ADRA1A: variants seen among roughly 807,000 people sequenced by gnomAD.
ADRA1A encodes alpha-1A adrenergic receptor.
In ADRA1A, 31 loss-of-function variants were observed where a neutral mutation model predicts 29.6. That is an observed-to-expected ratio of 1.05 (90% CI 0.79 to 1.41). The LOEUF (loss-of-function observed/expected upper bound fraction) is 1.41. Among genes scored for constraint, ADRA1A ranks in the 40% most tolerant of loss-of-function variants. The probability of loss-of-function intolerance (pLI) is 0.00; values close to 1 mark genes in which losing one functional copy is unlikely to be tolerated. For synonymous variants in ADRA1A, 311 were observed against 254.3 expected (o/e 1.22, Z -2.12); for missense variants, 619 against 601.1 (o/e 1.03, Z -0.31).
chr8:26,851,858 A>C (rs1812661043), intron 2 of ADRA1A, among the ~76,000 whole-genome samples: 1 of 152,154 alleles, frequency 6.6e-6, no homozygotes, highest in South Asian at 2.1e-4. Flanking sequence ...AGTATATAAT[A>C]GATAATGGTA....
downstream of ADRA1A, among the ~76,000 whole-genome samples, chr8:26,763,622 A>G (rs1484001183): frequency 7.5e-6 from 1 of 133,656 alleles, no homozygotes; most frequent in Admixed American, 7.4e-5. This position sits in a 1 kb window ranked among gnomAD's most constrained non-coding sequence, Gnocchi z 4.5. Context: ...AGTTGTGTCA[A>G]TGGCATATGA....
At chr8:26,785,980 C>T (rs981538319) in intron 2 of ADRA1A, among the ~76,000 whole-genome samples, 3 of 152,082 alleles carry the variant, frequency 2.0e-5, no homozygotes, top group African/African-American at 7.2e-5. Context: ...CTGTAAGTGC[C>T]TTCTTGTTGA....
chr8:26,751,697 C>T (rs1483301009), downstream of ADRA1A, among the ~76,000 whole-genome samples: 1 of 152,218 alleles, frequency 6.6e-6, no homozygotes. Flanking sequence ...TGTCTGTGAT[C>T]TGTGCCAATA....
chr8:26,800,185 G>T (rs956989310), intron 2 of ADRA1A, among the ~76,000 whole-genome samples: 1 of 152,104 alleles, frequency 6.6e-6, no homozygotes, highest in Admixed American at 6.5e-5. Flanking sequence ...CTTGAACCTA[G>T]GAGGCAGAGG....
At chr8:26,783,080 G>A (rs115984792) in intron 2 of ADRA1A, among the ~76,000 whole-genome samples, 1 of 152,110 alleles carries the variant, frequency 6.6e-6, no homozygotes, top group Non-Finnish European at 1.5e-5. Context: ...CCTGCTTCTG[G>A]TCTTATCTGC....
chr8:26,844,254 GC>G (rs1322340933), intron 2 of ADRA1A, among the ~76,000 whole-genome samples: 6 of 152,120 alleles, frequency 3.9e-5, no homozygotes, highest in Non-Finnish European at 7.4e-5. Context: ...TGAGTTCACT[GC>G]CAAATGAGTT....
At chr8:26,816,782 A>G (rs1205251166) in intron 2 of ADRA1A, among the ~76,000 whole-genome samples, 1 of 152,208 alleles carries the variant, frequency 6.6e-6, no homozygotes, top group Non-Finnish European at 1.5e-5. Context: ...CTAAAGCGGA[A>G]TATGGAGAAG....
At position 26,864,011 on chromosome 8, in the gene ADRA1A, C is replaced by A. The variant is rs892957139; in HGVS notation, c.883+76G>T. On this transcript the variant is annotated intron_variant, in intron 2 of 2. Transcript: ENST00000380573. The surrounding 1 kb of genome is among the most constrained non-coding windows in gnomAD (Gnocchi z 8.1). ...CTAATCCTTCCTCTTCCATCCCGGA[C>A]TGGGAGTCTGGGGTAACAGAAGCCG... 98 of 1,458,350 alleles carry A rather than the reference C, an allele frequency of 6.7e-5. 2 individuals are homozygous for A. The East Asian group carries it at 1.7e-3, about 26-fold the overall frequency. 90.3% of individuals were successfully genotyped at this position (1,458,350 alleles called of 1,614,324 possible).
At chr8:26,782,884 C>A (rs374421073) in intron 2 of ADRA1A, among the ~76,000 whole-genome samples, 1 of 152,084 alleles carries the variant, frequency 6.6e-6, no homozygotes, top group Non-Finnish European at 1.5e-5. Context: ...CTTTGGGCAG[C>A]CTTCCTCTCA....
intron 2 of ADRA1A, among the ~76,000 whole-genome samples, chr8:26,776,217 G>A (rs185300239): frequency 6.6e-6 from 1 of 152,286 alleles, no homozygotes; most frequent in Non-Finnish European, 1.5e-5. Flanking sequence ...CTGAGTTCTC[G>A]AATTCCTATC....
intron 2 of ADRA1A, among the ~76,000 whole-genome samples, chr8:26,777,708 T>G (rs1585666668): frequency 6.6e-6 from 1 of 152,148 alleles, no homozygotes; most frequent in Non-Finnish European, 1.5e-5. Context: ...GTGAGGAAGG[T>G]GGCACTGAGC....
At chr8:26,822,759 C>T (rs564407572) in intron 2 of ADRA1A, among the ~76,000 whole-genome samples, 113 of 152,210 alleles carry the variant, frequency 7.4e-4, no homozygotes, top group African/African-American at 2.6e-3. Context: ...GTTCTGCAGG[C>T]CATGCAGGAA....
rs1806513736 is a variant in ADRA1A at position 26,775,897 on chromosome 8, G to A, written c.884-5231C>T. Among the ~76,000 whole-genome samples, 1 of 152,156 alleles carries A rather than the reference G, an allele frequency of 6.6e-6. No individual in the cohort carries two copies. The highest frequency in any genetic ancestry group is 1.5e-5 in the Non-Finnish European group (1 of 68,018). ...TGTAAAGGCCTCTAGATGCCAAGAA[G>A]AAATTGAAACGAATAATTTAAAATG... On this transcript the variant is annotated intron_variant, in intron 2 of 2. Transcript: ENST00000380573. This position sits in a 1 kb window ranked among gnomAD's most constrained non-coding sequence, Gnocchi z 4.1.
intron 2 of ADRA1A, among the ~76,000 whole-genome samples, chr8:26,758,281 A>G (rs565439519): frequency 6.6e-6 from 1 of 152,364 alleles, no homozygotes; most frequent in South Asian, 2.1e-4. Flanking sequence ...GGGGATGACC[A>G]GCTCCTGGAA....
At chr8:26,834,493 A>G (rs1018512164) in intron 2 of ADRA1A, among the ~76,000 whole-genome samples, 6 of 152,362 alleles carry the variant, frequency 3.9e-5, no homozygotes, top group East Asian at 1.9e-4. Context: ...CCAAAACACA[A>G]ATCAGGACAT....
intron 2 of ADRA1A, among the ~76,000 whole-genome samples, chr8:26,812,673 T>G (rs1305216702): frequency 6.6e-6 from 1 of 151,344 alleles, no homozygotes; most frequent in Non-Finnish European, 1.5e-5. Flanking sequence ...TTTATTATTA[T>G]TATTTTTTTG....
Position 26,825,051 on chromosome 8 carries a change from C to G in ADRA1A, c.883+39036G>C, listed in dbSNP as rs1041543797. 6.6e-6 allele frequency among the ~76,000 whole-genome samples: 1 copy of G among 152,122 alleles called. No homozygotes were observed. Among genetic ancestry groups the G allele is most frequent in the Non-Finnish European group, 1.5e-5 (1 of 68,034 alleles). ...GTGTGGAATTGAGTTACCAGTGGAG[C>G]AACATGCCAGCTTCCTTCTGACAGC... On this transcript the variant is annotated intron_variant, in intron 2 of 2. Coordinates refer to ENST00000380573, the MANE Select transcript of ADRA1A (RefSeq NM_000680.4). This position sits in a 1 kb window ranked among gnomAD's most constrained non-coding sequence, Gnocchi z 5.7.
intron 2 of ADRA1A, among the ~76,000 whole-genome samples, chr8:26,856,012 A>C (rs1214349074): frequency 6.6e-6 from 1 of 152,200 alleles, no homozygotes; most frequent in Non-Finnish European, 1.5e-5. Context: ...CCTGACTTGA[A>C]AGAGTCAGCT....
chr8:26,755,212 G>C (rs1422449945), downstream of ADRA1A, among the ~76,000 whole-genome samples: 1 of 139,122 alleles, frequency 7.2e-6, no homozygotes, highest in Non-Finnish European at 1.6e-5. Flanking sequence ...TTTTTTCTCT[G>C]TTTAGCCATC....
Sources: gnomAD v4.1 joint callset for allele counts (sites outside exome capture counted in the v4.1 genomes callset) on GRCh38, gnomAD v4.1.1 for gene constraint, Gnocchi (gnomAD v3.1) non-coding constraint, MANE v1.5 for transcripts, NCBI Gene and HGNC (gene_info 2026-07-23, HGNC 2026-07-21) for gene names.